The following POTEB variants were observed in gnomAD, a reference collection of about 807,000 sequenced individuals.
POTEB encodes ANKRD26-like family B, member 1.
chr15:21,871,404 C>CACACACACACACAAAA (rs1378742867), intron 3 of POTEB, among the ~76,000 whole-genome samples: 2 of 19,266 alleles, frequency 1.0e-4, no homozygotes, highest in African/African-American at 2.6e-4. Flanking sequence ...CACACACACA[C>CACACACACACACAAAA]AAACAAAAAC....
intron 3 of POTEB, among the ~76,000 whole-genome samples, chr15:21,871,051 A>G (rs1350300211): frequency 1.3e-3 from 18 of 14,298 alleles, no homozygotes; most frequent in African/African-American, 1.8e-3. Flanking sequence ...TTTTACTTAT[A>G]AGCCCCTTAT....
At chr15:21,871,402 C>CAA (rs1374925771) in intron 3 of POTEB, among the ~76,000 whole-genome samples, 50 of 17,670 alleles carry the variant, frequency 2.8e-3, no homozygotes, top group African/African-American at 5.7e-3. Flanking sequence ...CACACACACA[C>CAA]ACAAACAAAA....
At chr15:21,855,195 A>G (rs1455484830) in intron 9 of POTEB, among the ~76,000 whole-genome samples, 2 of 148,452 alleles carry the variant, frequency 1.3e-5, no homozygotes, top group African/African-American at 4.9e-5. Context: ...ACTGTCACAC[A>G]TGCTGGGCAC....
intron 9 of POTEB, among the ~76,000 whole-genome samples, chr15:21,854,885 T>C (rs1294189901): frequency 2.0e-5 from 3 of 146,520 alleles, no homozygotes; most frequent in Non-Finnish European, 4.6e-5. Context: ...ATTTCTAGAT[T>C]ACATAAGCTA....
rs1471846210 is a variant in POTEB, at chr15:21,855,262, C to G, written c.1298+1530G>C. 1.3e-4 allele frequency among the ~76,000 whole-genome samples: 19 copies of G among 148,434 alleles called. No homozygotes were observed. In the South Asian group the frequency reaches 2.8e-3, roughly 22 times the overall value. On this transcript the variant is annotated intron_variant, in intron 9 of 10. Transcript: ENST00000439682. ...ACCTTCCTTTTAGCACAAGGGTCAG[C>G]AAATTAGCACCTGTGGGCCAAATCC...
At chr15:21,854,943 AG>A in intron 9 of POTEB, among the ~76,000 whole-genome samples, 1 of 144,928 alleles carries the variant, frequency 6.9e-6, no homozygotes, top group Non-Finnish European at 1.5e-5. Context: ...AAAAACTAAA[AG>A]TTTCAAGGAG....
rs60002670 is a variant in POTEB, at chr15:21,855,512, C to CA, written c.1298+1279dup. 4.5e-4 allele frequency among the ~76,000 whole-genome samples: 58 copies of CA among 129,134 alleles called. 1 individual carries two copies. The highest frequency in any genetic ancestry group is 1.3e-3 in the African/African-American group (47 of 36,916). 84.7% of individuals were successfully genotyped at this position (129,134 alleles called of 152,430 possible). On this transcript the variant is annotated intron_variant, in intron 9 of 10. Coordinates refer to ENST00000439682, the MANE Select transcript of POTEB (RefSeq NM_001277304.2). ...AGCCTGGGCAACAGAGACCCTGTCT[C>CA]AAAAAAAATAAATATATATAGTCCA...
At chr15:21,854,431 C>T (rs1461046642) in intron 9 of POTEB, among the ~76,000 whole-genome samples, 6 of 149,974 alleles carry the variant, frequency 4.0e-5, no homozygotes, top group East Asian at 2.0e-4. Flanking sequence ...GTGAAGATGC[C>T]GTTAGGGAGG....
chr15:21,871,400 C>CAAAAAAAA (rs1480983290), intron 3 of POTEB, among the ~76,000 whole-genome samples: 1 of 17,212 alleles, frequency 5.8e-5, no homozygotes, highest in African/African-American at 1.5e-4. Context: ...CACACACACA[C>CAAAAAAAA]ACACAAACAA....
chr15:21,855,250 C>T (rs1889859050), intron 9 of POTEB, among the ~76,000 whole-genome samples: 1 of 148,338 alleles, frequency 6.7e-6, no homozygotes, highest in Non-Finnish European at 1.5e-5. Flanking sequence ...TTCCTTTTAG[C>T]ACAAGGGTCA....
Position 21,855,110 on chromosome 15 carries a change from A to T in POTEB, c.1298+1682T>A, listed in dbSNP as rs1366935635. Among the ~76,000 whole-genome samples, 2 of 148,346 alleles carry T rather than the reference A, an allele frequency of 1.3e-5. 1 individual carries two copies. Among genetic ancestry groups the T allele is most frequent in the Non-Finnish European group, 3.0e-5 (2 of 66,500 alleles). On this transcript the variant is annotated intron_variant, in intron 9 of 10. Coordinates refer to ENST00000439682, the MANE Select transcript of POTEB (RefSeq NM_001277304.2). The stretch of plus-strand genomic sequence containing the variant: ...ATCTTATTTTACAAATGAAATTTTT[A>T]AAAATATATGAAGTCACTGTGGAAA...
intron 9 of POTEB, among the ~76,000 whole-genome samples, chr15:21,855,146 G>A: frequency 6.7e-6 from 1 of 148,380 alleles, no homozygotes; most frequent in Non-Finnish European, 1.5e-5. Flanking sequence ...AATATGGTGA[G>A]GTGAATACCA....
At chr15:21,854,423 G>A (rs1889825376) in intron 9 of POTEB, among the ~76,000 whole-genome samples, 1 of 149,884 alleles carries the variant, frequency 6.7e-6, no homozygotes, top group African/African-American at 2.4e-5. Flanking sequence ...AAAGCCAAGT[G>A]AAGATGCCGT....
intron 9 of POTEB, among the ~76,000 whole-genome samples, chr15:21,849,130 T>TGTG: frequency 8.9e-6 from 1 of 112,804 alleles, no homozygotes; most frequent in Non-Finnish European, 1.9e-5. Context: ...GAACTTTGAA[T>TGTG]TAATTTTATC....
rs372753481 is a variant in POTEB at position 21,847,371 on chromosome 15, C to T, written c.1423-811G>A. On this transcript the variant is annotated intron_variant, in intron 10 of 10. Transcript: ENST00000439682. ...ACACACACACACACACACACACACA[C>T]ATATATATATGCAACGTGCAAGATT... Among the ~76,000 whole-genome samples the T allele has an allele frequency of 1.9e-3, 133 of 69,604 alleles. 12 individuals carry two copies. Among genetic ancestry groups the T allele is most frequent in the African/African-American group, 4.8e-3 (101 of 21,174 alleles). 45.7% of individuals were successfully genotyped at this position (69,604 alleles called of 152,430 possible).
At chr15:21,875,074 A>ATATT (rs1230903355) in intron 1 of POTEB, among the ~76,000 whole-genome samples, 2 of 129,642 alleles carry the variant, frequency 1.5e-5, no homozygotes, top group African/African-American at 5.6e-5. Context: ...TCATTCCTTT[A>ATATT]TATTTATTTA....
At position 21,862,322 on chromosome 15, in the gene POTEB, C is replaced by CA. The variant is rs1241793460; in HGVS notation, c.1015+2693dup. 1.2e-4 allele frequency: 3 copies of CA among 25,286 alleles called. 1 individual carries two copies. Among genetic ancestry groups the CA allele is most frequent in the Non-Finnish European group, 4.3e-4 (3 of 7,026 alleles). 1.6% of individuals were successfully genotyped at this position (25,286 alleles called of 1,614,324 possible). ...AAAACAAATGAAAAAAGCATAACAC[C>CA]AAAAAAAGGCCAACACATTAAAATG... On this transcript the variant is annotated intron_variant, in intron 6 of 10. Coordinates refer to ENST00000439682, the MANE Select transcript of POTEB (RefSeq NM_001277304.2).
In POTEB at chr15:21,871,364, A is replaced by AACACACACAC. The variant is rs554170349; in HGVS notation, c.699+633_699+642dup. Among the ~76,000 whole-genome samples, 10 of 12,108 alleles carry AACACACACAC rather than the reference A, an allele frequency of 8.3e-4. 2 individuals carry two copies. Among genetic ancestry groups the AACACACACAC allele is most frequent in the East Asian group, 0.011 (2 of 174 alleles). 7.9% of individuals were successfully genotyped at this position (12,108 alleles called of 152,430 possible). A position where few individuals can be genotyped will look rare whatever the true frequency, so the allele number is the denominator to read the frequency against. On this transcript the variant is annotated intron_variant, in intron 3 of 10. Transcript: ENST00000439682. Reference sequence around the variant, plus strand: ...AAACAAATGAATGAACAACAATAACAACACACACACACACACACACACACA... The same window carrying AACACACACAC: ...AAACAAATGAATGAACAACAATAACAACACACACACACACACACACACACACACACACACA...
Position 21,847,311 on chromosome 15 carries a change from G to A in POTEB, c.1423-751C>T, listed in dbSNP as rs567513944. Reference sequence around the variant, plus strand: ...TGAGTTTGTGCCATTGCACTCCAGCGTGGGTGACAGTGCAAGACTCCATCT... The same window carrying A: ...TGAGTTTGTGCCATTGCACTCCAGCATGGGTGACAGTGCAAGACTCCATCT... On this transcript the variant is annotated intron_variant, in intron 10 of 10. Transcript: ENST00000439682. Among the ~76,000 whole-genome samples the A allele has an allele frequency of 2.9e-4, 19 of 66,624 alleles. 1 individual carries two copies. Among genetic ancestry groups the A allele is most frequent in the Non-Finnish European group, 5.4e-4 (16 of 29,388 alleles). 43.7% of individuals were successfully genotyped at this position (66,624 alleles called of 152,430 possible).
Sources: gnomAD v4.1 joint callset for allele counts (sites outside exome capture counted in the v4.1 genomes callset) on GRCh38, gnomAD v4.1.1 for gene constraint, MANE v1.5 for transcripts, NCBI Gene and HGNC (gene_info 2026-07-23, HGNC 2026-07-21) for gene names.